The following MTUS2 variants were observed in gnomAD, a reference collection of about 807,000 sequenced individuals.
The protein encoded by MTUS2 is microtubule associated scaffold protein 2, also known as microtubule-associated tumor suppressor candidate 2.
In MTUS2, 40 loss-of-function variants were observed where a neutral mutation model predicts 114.1. That is an observed-to-expected ratio of 0.35 (90% CI 0.27 to 0.46). The LOEUF (loss-of-function observed/expected upper bound fraction) is 0.46, where lower values mean the gene tolerates loss of function less well. Among genes scored for constraint, MTUS2 ranks in the 20% least tolerant of loss-of-function variants. The pLI, the probability that MTUS2 is intolerant of heterozygous loss-of-function variation, is 1.00. For synonymous variants in MTUS2, 688 were observed against 672.0 expected, an observed-to-expected ratio of 1.02 and a Z score of -0.37; for missense variants, 1,679 against 1,705.4, an observed-to-expected ratio of 0.98 and a Z score of 0.27.
At chr13:29,194,174 A>G (rs1171042346) in intron 5 of MTUS2, among the ~76,000 whole-genome samples, 5 of 151,630 alleles carry the variant, frequency 3.3e-5, no homozygotes, top group African/African-American at 9.7e-5. Context: ...CATTCAGGAC[A>G]TAGGCATGGG....
intron 8 of MTUS2, among the ~76,000 whole-genome samples, chr13:29,371,510 GC>G (rs1179660679): frequency 6.6e-6 from 1 of 152,140 alleles, no homozygotes; most frequent in Non-Finnish European, 1.5e-5. Context: ...GAGCCACTGT[GC>G]CCGGCCTCTT....
At chr13:28,977,935 A>G (rs891072911) in intron 2 of MTUS2, among the ~76,000 whole-genome samples, 1 of 152,222 alleles carries the variant, frequency 6.6e-6, no homozygotes, top group African/African-American at 2.4e-5. Context: ...TGTAATACAT[A>G]CACTGTCTCT....
chr13:28,832,616 G>C (rs1364390324), intron 1 of MTUS2, among the ~76,000 whole-genome samples: 1 of 148,380 alleles, frequency 6.7e-6, no homozygotes, highest in Non-Finnish European at 1.5e-5. Flanking sequence ...AACTAAATAA[G>C]TATGCTAAAT....
intron 5 of MTUS2, among the ~76,000 whole-genome samples, chr13:29,264,699 C>T (rs575669218): frequency 3.9e-5 from 6 of 152,364 alleles, no homozygotes; most frequent in African/African-American, 1.4e-4. Flanking sequence ...AAGCAGCAGC[C>T]TGAGCTGTAC....
chr13:29,411,867 C>A (rs750097869), intron 8 of MTUS2, among the ~76,000 whole-genome samples: 11 of 152,122 alleles, frequency 7.2e-5, no homozygotes, highest in Non-Finnish European at 1.6e-4. Context: ...TCTTCCATTG[C>A]GTTCTCTAAA....
intron 6 of MTUS2, among the ~76,000 whole-genome samples, chr13:29,319,846 A>G (rs1274360465): frequency 8.1e-6 from 1 of 123,274 alleles, no homozygotes; most frequent in Non-Finnish European, 1.7e-5. Flanking sequence ...CTGCTATTCA[A>G]GAAAGCTAAA....
chr13:29,224,846 T>A (rs1239230059), intron 5 of MTUS2, among the ~76,000 whole-genome samples: 6 of 152,284 alleles, frequency 3.9e-5, no homozygotes, highest in African/African-American at 1.4e-4. Context: ...GGGCCTCCAA[T>A]CCACCAAGTT....
At chr13:29,188,258 G>A (rs1894304062) in intron 5 of MTUS2, among the ~76,000 whole-genome samples, 1 of 152,184 alleles carries the variant, frequency 6.6e-6, no homozygotes, top group Non-Finnish European at 1.5e-5. Flanking sequence ...TAGAAATGAA[G>A]TGATTCCATG....
chr13:29,301,682 A>C (rs1899210248), intron 6 of MTUS2, among the ~76,000 whole-genome samples: 1 of 152,234 alleles, frequency 6.6e-6, no homozygotes, highest in Non-Finnish European at 1.5e-5. Context: ...GGAAAAAGGA[A>C]AATAACACCA....
At chr13:29,422,823 G>C (rs1457688093) in intron 8 of MTUS2, among the ~76,000 whole-genome samples, 7 of 151,784 alleles carry the variant, frequency 4.6e-5, no homozygotes, top group African/African-American at 1.2e-4. Context: ...ATAGAGACAG[G>C]GTTTCACCCT....
chr13:29,215,366 A>G (rs939904206), intron 5 of MTUS2, among the ~76,000 whole-genome samples: 1 of 151,696 alleles, frequency 6.6e-6, no homozygotes, highest in East Asian at 1.9e-4. Flanking sequence ...ACTTCTGTCA[A>G]TTCATCATAT....
intron 5 of MTUS2, among the ~76,000 whole-genome samples, chr13:29,153,072 G>T (rs1892723077): frequency 6.6e-6 from 1 of 152,186 alleles, no homozygotes; most frequent in African/African-American, 2.4e-5. Context: ...AGGTTAACAT[G>T]CACAAAATGT....
chr13:29,326,584 G>A (rs1048045241), intron 7 of MTUS2, among the ~76,000 whole-genome samples: 1 of 152,022 alleles, frequency 6.6e-6, no homozygotes, highest in East Asian at 1.9e-4. Flanking sequence ...AAGGCCAGGA[G>A]GGAGATGAGA....
intron 4 of MTUS2, among the ~76,000 whole-genome samples, chr13:29,070,144 T>G (rs147404926): frequency 6.6e-6 from 1 of 152,174 alleles, no homozygotes; most frequent in Non-Finnish European, 1.5e-5. Flanking sequence ...TGTGCTGGGC[T>G]TTCTATCTCG....
intron 6 of MTUS2, among the ~76,000 whole-genome samples, chr13:29,300,839 A>T (rs557945511): frequency 3.9e-5 from 6 of 152,310 alleles, no homozygotes; most frequent in African/African-American, 1.4e-4. Context: ...GCTTTATCTT[A>T]GTCTATTCAA....
intron 4 of MTUS2, among the ~76,000 whole-genome samples, chr13:29,039,485 G>A (rs552007151): frequency 1.3e-5 from 2 of 152,320 alleles, no homozygotes; most frequent in South Asian, 2.1e-4. Context: ...AGCGGGGGAG[G>A]GCAGCACCCA....
chr13:29,286,911 G>A (rs530330274), intron 6 of MTUS2, among the ~76,000 whole-genome samples: 9 of 152,194 alleles, frequency 5.9e-5, no homozygotes, highest in African/African-American at 1.2e-4. Flanking sequence ...GGCTGGTCTC[G>A]AACTGATCTC....
At chr13:29,053,335 G>A (rs999322270) in intron 4 of MTUS2, among the ~76,000 whole-genome samples, 2 of 152,158 alleles carry the variant, frequency 1.3e-5, no homozygotes, top group African/African-American at 2.4e-5. Context: ...ATAATTCAGA[G>A]TAGTAGTACC....
chr13:28,848,700 C>A (rs1468011419), intron 2 of MTUS2, among the ~76,000 whole-genome samples: 1 of 152,072 alleles, frequency 6.6e-6, no homozygotes, highest in East Asian at 1.9e-4. Context: ...TCTAGCCCCA[C>A]CCTATTCCCT....
Sources: gnomAD v4.1 joint callset for allele counts (sites outside exome capture counted in the v4.1 genomes callset) on GRCh38, gnomAD v4.1.1 for gene constraint, MANE v1.5 for transcripts, NCBI Gene and HGNC (gene_info 2026-07-23, HGNC 2026-07-21) for gene names.